Variants in MPP4 observed in about 807,000 individuals in gnomAD.
MPP4 encodes the protein MAGUK p55 scaffold protein 4, also known as MAGUK p55 subfamily member 4.
MPP4 carries 91 observed loss-of-function variants against 98.3 expected under a neutral mutation model. The ratio of observed to expected loss-of-function variants is 0.93; its 90% CI spans 0.78 to 1.10. The LOEUF is 1.10. Among genes scored for constraint, MPP4 ranks in the 50% least tolerant of loss-of-function variants. The pLI, the probability that MPP4 is intolerant of heterozygous loss-of-function variation, is 0.00. For missense variants in MPP4, 744 were observed against 792.9 expected, an observed-to-expected ratio of 0.94 and a Z score of 0.74; for synonymous variants, 261 against 271.8, an observed-to-expected ratio of 0.96 and a Z score of 0.39.
At chr2:201,657,045 T>C (rs1488763855) in intron 16 of MPP4, among the ~76,000 whole-genome samples, 1 of 152,186 alleles carries the variant, frequency 6.6e-6, no homozygotes, top group Non-Finnish European at 1.5e-5. Context: ...AAGCTGTTGG[T>C]AGTGACATGA....
At chr2:201,696,291 T>C (rs745628477) in intron 1 of MPP4, among the ~76,000 whole-genome samples, 5 of 152,226 alleles carry the variant, frequency 3.3e-5, no homozygotes, top group Non-Finnish European at 5.9e-5. Flanking sequence ...TTCTGTGTTG[T>C]TTTTGACTCT....
intron 13 of MPP4, chr2:201,664,415 T>A: frequency 8.4e-7 from 1 of 1,192,146 alleles, no homozygotes; most frequent in Non-Finnish European, 1.1e-6. Flanking sequence ...AAGTGGAATG[T>A]CAGGGAAATC....
chr2:201,653,981 C>T (rs994937915), intron 18 of MPP4, among the ~76,000 whole-genome samples: 4 of 146,018 alleles, frequency 2.7e-5, no homozygotes, highest in African/African-American at 7.5e-5. Flanking sequence ...TAAGAAAACA[C>T]TTTTTTTTTT....
chr2:201,666,070 A>G, intron 13 of MPP4: 1 of 313,972 alleles, frequency 3.2e-6, no homozygotes. Context: ...GGATATGCTG[A>G]GAGTTACTAA....
intron 5 of MPP4, among the ~76,000 whole-genome samples, chr2:201,686,998 CCT>C (rs1233925495): frequency 6.6e-6 from 1 of 152,124 alleles, no homozygotes; most frequent in African/African-American, 2.4e-5. Context: ...TAGAACATTC[CCT>C]GTTTGCTACC....
intron 20 of MPP4, 150 bp downstream of exon 20, chr2:201,649,426 A>T (rs1339874812): frequency 1.7e-6 from 1 of 583,884 alleles, no homozygotes; most frequent in African/African-American, 1.9e-5. Context: ...GTCAATTGAC[A>T]CGTTAAGTAA....
chr2:201,660,472 C>G, intron 14 of MPP4, 126 bp from the exon 15 acceptor site: 1 of 1,016,966 alleles, frequency 9.8e-7, no homozygotes, highest in Non-Finnish European at 1.6e-6. Flanking sequence ...CAAAAGGTAA[C>G]TCGGGTAAGG....
intron 10 of MPP4, among the ~76,000 whole-genome samples, chr2:201,675,520 T>A (rs1427241861): frequency 4.6e-5 from 7 of 152,216 alleles, no homozygotes; most frequent in Admixed American, 4.6e-4. Flanking sequence ...AGTGACAATC[T>A]CGCACATGAT....
At position 201,647,412 on chromosome 2, in the gene MPP4, A is replaced by G. The variant is rs1222348371; in HGVS notation, c.1719+279T>C. On this transcript the variant is annotated intron_variant, in intron 21 of 21. Transcript: ENST00000409474. ...CATCATAACATTTATTAAACTTTAT[A>G]TCTGTAAGTGATGTCCATCCAAAAG... 2.6e-5 allele frequency among the ~76,000 whole-genome samples: 4 copies of G among 152,206 alleles called. No homozygotes were observed. The South Asian group carries it at 8.3e-4, about 31-fold the overall frequency.
chr2:201,651,597 G>A lies in MPP4; in HGVS notation c.1382-1432C>T, dbSNP rs527651994. 5.7e-5 allele frequency: 56 copies of A among 984,242 alleles called. 1 individual carries two copies. Among genetic ancestry groups the A allele is most frequent in the Non-Finnish European group, 6.3e-5 (52 of 828,894 alleles). 61.0% of individuals were successfully genotyped at this position (984,242 alleles called of 1,614,324 possible). A position where few individuals can be genotyped will look rare whatever the true frequency, so the allele number is the denominator to read the frequency against. On this transcript the variant is annotated intron_variant, in intron 18 of 21. Coordinates refer to ENST00000409474, the MANE Select transcript of MPP4 (RefSeq NM_033066.3). ...TCACTTTGAATGATTAAAAATCTAC[G>A]TTGATATTCTTAAAATTCTTCTATA...
chr2:201,681,568 C>T lies in MPP4; in HGVS notation c.661-1G>A. The stretch of plus-strand genomic sequence containing the variant: ...ACATGATTGTGCCTCGAGACATGGC[C>T]TGGAAAATAAGAGAGGAGAAAGGAT... On this transcript the variant is annotated splice_acceptor_variant, in intron 8 of 21. Coordinates refer to ENST00000409474, the MANE Select transcript of MPP4 (RefSeq NM_033066.3). LOFTEE classifies it high-confidence loss of function. 6.2e-7 allele frequency: 1 copy of T among 1,612,868 alleles called. No individual in the cohort carries two copies. The highest frequency in any genetic ancestry group is 1.1e-5 in the South Asian group (1 of 90,886).
chr2:201,680,946 T>TC lies in MPP4; in HGVS notation c.820dup (p.Asp274GlyfsTer10). ...ATTCTGGTCCACAATCTGGAGGATG[T>TC]CCCCCTTCTGGAAAGGCAATCCAGC... is the stretch of plus-strand genomic sequence containing the variant. On this transcript the variant is annotated frameshift_variant, in exon 10 of 22. Transcript: ENST00000409474. LOFTEE classifies it high-confidence loss of function. 6.2e-7 allele frequency: 1 copy of TC among 1,613,796 alleles called. No homozygotes were observed. Among genetic ancestry groups the TC allele is most frequent in the Non-Finnish European group, 8.5e-7 (1 of 1,179,850 alleles).
rs1688174418 is a variant in MPP4 at position 201,666,384 on chromosome 2, T to C, written c.1013-12A>G. On this transcript the variant is annotated splice_polypyrimidine_tract_variant and intron_variant, in intron 12 of 21. Coordinates refer to ENST00000409474, the MANE Select transcript of MPP4 (RefSeq NM_033066.3). ...CTTCATGTCATCTTCTATAAAAGAG[T>C]ATAGAAAGGGAGAAACAGAATTTAA... 1 of 1,531,554 alleles carries C rather than the reference T, an allele frequency of 6.5e-7. No individual in the cohort carries two copies. The highest frequency in any genetic ancestry group is 2.5e-5 in the East Asian group (1 of 40,204). 94.9% of individuals were successfully genotyped at this position (1,531,554 alleles called of 1,614,324 possible).
rs943454487 is a variant in MPP4, at chr2:201,695,095, A to C, written c.-100-1041T>G. Among the ~76,000 whole-genome samples, 5 of 152,294 alleles carry C rather than the reference A, an allele frequency of 3.3e-5. No homozygotes were observed. In the East Asian group the frequency reaches 9.6e-4, roughly 29 times the overall value. ...CTTGTTCGTGTGAAAGTTCAGAGAC[A>C]GAGAGAATCCAGGGCTAATAGGGCA... On this transcript the variant is annotated intron_variant, in intron 1 of 21. Coordinates refer to ENST00000409474, the MANE Select transcript of MPP4 (RefSeq NM_033066.3).
intron 16 of MPP4, among the ~76,000 whole-genome samples, chr2:201,657,965 T>G (rs6740416): frequency 0.24 from 36,300 of 150,296 alleles, 4,685 homozygotes; most frequent in African/African-American, 0.34. Flanking sequence ...TTTTTTTTTT[T>G]TTTGTTTTTT....
intron 14 of MPP4, among the ~76,000 whole-genome samples, chr2:201,660,615 G>A (rs1000062319): frequency 5.3e-5 from 8 of 152,288 alleles, no homozygotes; most frequent in Non-Finnish European, 1.2e-4. Flanking sequence ...AACTCAGGAA[G>A]ACTCTACTTG....
chr2:201,647,518 AT>A (rs879140719), intron 21 of MPP4, among the ~76,000 whole-genome samples, 172 bp downstream of exon 21: 45 of 150,786 alleles, frequency 3.0e-4, no homozygotes, highest in South Asian at 1.3e-3. Context: ...TACAGTTTTA[AT>A]TTTTTTTTTA....
At chr2:201,658,698 C>A (rs1687927569) in intron 15 of MPP4, among the ~76,000 whole-genome samples, 180 bp from the exon 16 acceptor site, 1 of 152,186 alleles carries the variant, frequency 6.6e-6, no homozygotes, top group Non-Finnish European at 1.5e-5. Flanking sequence ...TATTCACACA[C>A]AACAAACTAT....
chr2:201,647,921 T>C (rs558517698), intron 20 of MPP4, 96 bp from the exon 21 acceptor site: 128 of 1,212,386 alleles, frequency 1.1e-4, no homozygotes, highest in South Asian at 1.0e-3. Flanking sequence ...TGTGGTGCAA[T>C]CACAGTTCAC....
Sources: allele counts gnomAD v4.1 joint callset (sites outside exome capture counted in the v4.1 genomes callset), GRCh38; gene constraint gnomAD v4.1.1; transcripts MANE v1.5; gene names NCBI Gene and HGNC (gene_info 2026-07-23, HGNC 2026-07-21).